The following ASB3 variants were observed in gnomAD, a reference collection of about 807,000 sequenced individuals.
ASB3 encodes ankyrin repeat and SOCS box containing 3, also known as ankyrin repeat and SOCS box protein 3.
A neutral mutation model predicts 54.5 loss-of-function variants in ASB3; 41 were observed. The observed-to-expected ratio is 0.75, with a 90% CI of 0.59 to 0.98. The LOEUF (loss-of-function observed/expected upper bound fraction) is 0.98, where lower values mean the gene tolerates loss of function less well. Ranked by LOEUF, ASB3 falls within the 50% of genes least tolerant of loss-of-function variation. The pLI is 0.00. For missense variants in ASB3, 733 were observed against 620.0 expected, an observed-to-expected ratio of 1.18 and a Z score of -1.94; for synonymous variants, 266 against 221.2, an observed-to-expected ratio of 1.20 and a Z score of -1.80.
chr2:53,759,799 G>A (rs767910536), intron 2 of ASB3, among the ~76,000 whole-genome samples: 1 of 152,172 alleles, frequency 6.6e-6, no homozygotes, highest in South Asian at 2.1e-4. Flanking sequence ...TGCCCCAGGG[G>A]ACGAAGGTCC....
At chr2:53,783,497 G>C (rs890564786) in intron 1 of ASB3, among the ~76,000 whole-genome samples, 2 of 151,788 alleles carry the variant, frequency 1.3e-5, no homozygotes, top group Non-Finnish European at 2.9e-5. Context: ...GTGAAAAATA[G>C]GATTCATAGA....
At chr2:53,671,043 C>G (rs1667784708) in intron 9 of ASB3, among the ~76,000 whole-genome samples, 1 of 152,214 alleles carries the variant, frequency 6.6e-6, no homozygotes, top group East Asian at 1.9e-4. Flanking sequence ...TCCTCTTAAT[C>G]TATTTCATTA....
chr2:53,756,973 A>C (rs1335058918), intron 2 of ASB3: 1 of 167,476 alleles, frequency 6.0e-6, no homozygotes, highest in East Asian at 1.8e-4. Flanking sequence ...GCATGACCCA[A>C]GATTCCATTC....
At chr2:53,761,204 C>T (rs1673124811) in intron 2 of ASB3, among the ~76,000 whole-genome samples, 1 of 152,132 alleles carries the variant, frequency 6.6e-6, no homozygotes, top group Non-Finnish European at 1.5e-5. Context: ...TGTAACTCAG[C>T]TCACACCTGA....
rs1047028307 is a variant in ASB3 at position 53,670,608 on chromosome 2, A to T, written c.1452T>A (p.Tyr484Ter). The change falls in exon 10 of 10, where the codon TAT becomes TAA. Residue 484 changes from tyrosine (Y) to a stop codon, truncating the protein, a stop_gained. Transcript: ENST00000263634. LOFTEE classifies it high-confidence loss of function. ...LKSERLRSDS[Y>*]ISQLPLPRSL... is the part of the protein sequence containing the mutation. ...TTCTGGGAAGTGGCAGCTGACTAATATAACTGTCAGACCGTAGACGTTCTG... is the reference window on the plus strand; with the variant it reads ...TTCTGGGAAGTGGCAGCTGACTAATTTAACTGTCAGACCGTAGACGTTCTG... The T allele has an allele frequency of 6.2e-7, 1 of 1,614,092 alleles. No individual in the cohort carries two copies. Among genetic ancestry groups the T allele is most frequent in the East Asian group, 2.2e-5 (1 of 44,870 alleles).
chr2:53,712,492 T>C (rs1388765792), intron 7 of ASB3, among the ~76,000 whole-genome samples: 1 of 152,214 alleles, frequency 6.6e-6, no homozygotes, highest in Non-Finnish European at 1.5e-5. Context: ...TCCAGAAACC[T>C]ATTTAAGATC....
At chr2:53,751,675 TA>T (rs796715873) in intron 2 of ASB3, among the ~76,000 whole-genome samples, 13 of 145,492 alleles carry the variant, frequency 8.9e-5, no homozygotes, top group Admixed American at 6.8e-5. Context: ...AAACAGAAAA[TA>T]AAAAAAAAAA....
chr2:53,726,068 T>C (rs1670975305), intron 5 of ASB3, among the ~76,000 whole-genome samples: 2 of 151,948 alleles, frequency 1.3e-5, no homozygotes, highest in East Asian at 1.9e-4. Context: ...GTAATAGGGG[T>C]TGGAAACATG....
intron 7 of ASB3, among the ~76,000 whole-genome samples, chr2:53,714,053 T>C (rs1670253881): frequency 6.6e-6 from 1 of 152,212 alleles, no homozygotes; most frequent in Non-Finnish European, 1.5e-5. Flanking sequence ...CTGCCTTACT[T>C]GATAAAGCCC....
intron 6 of ASB3, among the ~76,000 whole-genome samples, chr2:53,715,474 A>G (rs1238432976): frequency 6.6e-6 from 1 of 152,178 alleles, no homozygotes; most frequent in East Asian, 1.9e-4. Context: ...GAAGTAGGCT[A>G]TAAAGAAAAT....
chr2:53,720,082 C>G (rs1670613644), intron 5 of ASB3, among the ~76,000 whole-genome samples: 1 of 151,754 alleles, frequency 6.6e-6, no homozygotes, highest in South Asian at 2.1e-4. Flanking sequence ...CATCCCTCTG[C>G]TCACTGGGAT....
At chr2:53,745,363 T>A (rs536361952) in intron 3 of ASB3, among the ~76,000 whole-genome samples, 16 of 152,290 alleles carry the variant, frequency 1.1e-4, no homozygotes, top group African/African-American at 3.8e-4. Context: ...TGTAGAAAGA[T>A]GAGATGTTCC....
In ASB3 at chr2:53,686,882, C is replaced by T. The variant is rs367667514; in HGVS notation, c.1369+7002G>A. Among the ~76,000 whole-genome samples the T allele has an allele frequency of 1.8e-4, 28 of 152,126 alleles. No homozygotes were observed. In the East Asian group the frequency reaches 3.1e-3, roughly 17 times the overall value. ...GATTACAGGCGCTTGCCACCACACCCGGCTAATTTTGTATTTTCAGTAGAG... is the reference window on the plus strand; with the variant it reads ...GATTACAGGCGCTTGCCACCACACCTGGCTAATTTTGTATTTTCAGTAGAG... On this transcript the variant is annotated intron_variant, in intron 9 of 9. Coordinates refer to ENST00000263634, the MANE Select transcript of ASB3 (RefSeq NM_016115.5).
chr2:53,686,896 T>C (rs769216772), intron 9 of ASB3, among the ~76,000 whole-genome samples: 5 of 152,076 alleles, frequency 3.3e-5, no homozygotes, highest in Non-Finnish European at 7.4e-5. Flanking sequence ...TAATTTTGTA[T>C]TTTCAGTAGA....
chr2:53,750,800 G>C lies in ASB3; in HGVS notation c.338C>G (p.Thr113Arg), dbSNP rs540542893. The C allele has an allele frequency of 6.4e-7, 1 of 1,567,914 alleles. No individual in the cohort carries two copies. The highest frequency in any genetic ancestry group is 1.2e-5 in the South Asian group (1 of 80,536). Reference sequence around the variant, plus strand: ...ATACTTACCTAAAAACAATGGTGTCGTTTCTTCTAAAGTAGTTGCATTAGG... The same window carrying C: ...ATACTTACCTAAAAACAATGGTGTCCTTTCTTCTAAAGTAGTTGCATTAGG... ...ADPNATTLEE[T>R]TPLFLAVENG... The change falls in exon 3 of 10, where the codon ACG becomes AGG. Residue 113 changes from threonine (T) to arginine (R), a missense_variant. Coordinates refer to ENST00000263634, the MANE Select transcript of ASB3 (RefSeq NM_016115.5).
chr2:53,725,497 G>T (rs570255507), intron 5 of ASB3, among the ~76,000 whole-genome samples: 1 of 152,014 alleles, frequency 6.6e-6, no homozygotes, highest in Admixed American at 6.6e-5. Context: ...TTATATATAC[G>T]CCATTGTATA....
At chr2:53,744,629 A>G (rs1252776396) in intron 3 of ASB3, among the ~76,000 whole-genome samples, 1 of 152,172 alleles carries the variant, frequency 6.6e-6, no homozygotes, top group Admixed American at 6.5e-5. Context: ...TTCCAGTTGA[A>G]AAATCTAAAA....
chr2:53,703,361 TGA>T (rs1669596635), intron 7 of ASB3, among the ~76,000 whole-genome samples: 1 of 152,102 alleles, frequency 6.6e-6, no homozygotes, highest in Non-Finnish European at 1.5e-5. Context: ...CTGGGAGTGG[TGA>T]AAGGAGCTAA....
chr2:53,688,079 C>T (rs1668725864), intron 9 of ASB3, among the ~76,000 whole-genome samples: 1 of 152,216 alleles, frequency 6.6e-6, no homozygotes, highest in African/African-American at 2.4e-5. Context: ...CTCGGCCTCT[C>T]AAAGTGGGAT....
Sources: allele counts gnomAD v4.1 joint callset (sites outside exome capture counted in the v4.1 genomes callset), GRCh38; gene constraint gnomAD v4.1.1; transcripts MANE v1.5; gene names NCBI Gene and HGNC (gene_info 2026-07-23, HGNC 2026-07-21).